Variants in ARL15 observed in about 807,000 individuals in gnomAD.
ARL15 encodes the protein ARF like GTPase 15.
Under a neutral mutation model 25.2 loss-of-function variants are expected in ARL15, and 19 were observed. That is an observed-to-expected ratio of 0.75 (90% confidence interval 0.53 to 1.10). ARL15 has a LOEUF of 1.10. Ranked by LOEUF, ARL15 falls within the 50% of genes least tolerant of loss-of-function variation. The pLI is 0.00. For missense variants in ARL15, 220 were observed against 246.0 expected (o/e 0.89, Z 0.71); for synonymous variants, 94 against 86.8 (o/e 1.08, Z -0.46).
intron 4 of ARL15, among the ~76,000 whole-genome samples, chr5:53,968,908 C>T (rs935483340): frequency 6.6e-6 from 1 of 151,778 alleles, no homozygotes; most frequent in Non-Finnish European, 1.5e-5. Context: ...GTAATCCTCG[C>T]ACTCTGAGGT....
At chr5:53,898,905 T>C (rs1347004393) in intron 4 of ARL15, among the ~76,000 whole-genome samples, 1 of 152,116 alleles carries the variant, frequency 6.6e-6, no homozygotes, top group Non-Finnish European at 1.5e-5. Flanking sequence ...CCTCCTCTCT[T>C]GGCCTACCAA....
chr5:53,959,823 A>G (rs1747302725), intron 4 of ARL15, among the ~76,000 whole-genome samples: 1 of 151,926 alleles, frequency 6.6e-6, no homozygotes, highest in South Asian at 2.1e-4. Flanking sequence ...TTCTTCTTGC[A>G]TTGTAACTCC....
intron 4 of ARL15, among the ~76,000 whole-genome samples, chr5:53,916,733 C>A (rs1348955036): frequency 6.6e-6 from 1 of 152,088 alleles, no homozygotes; most frequent in African/African-American, 2.4e-5. Context: ...ATGATTGATA[C>A]AGCCTCCAAC....
chr5:54,026,087 T>C (rs996538512), intron 4 of ARL15, among the ~76,000 whole-genome samples: 3 of 152,224 alleles, frequency 2.0e-5, no homozygotes, highest in Non-Finnish European at 4.4e-5. Context: ...CATTTCCTTA[T>C]AGTTTTTCAT....
chr5:53,915,808 A>T (rs1981842), intron 4 of ARL15, among the ~76,000 whole-genome samples: 142,815 of 152,332 alleles, frequency 0.94, 67,509 homozygotes, highest in Non-Finnish European at 1. Flanking sequence ...TATTTTAAAT[A>T]TCATTGCAGC....
chr5:54,175,289 T>C (rs1414263249), intron 1 of ARL15, among the ~76,000 whole-genome samples: 6 of 152,146 alleles, frequency 3.9e-5, no homozygotes, highest in Admixed American at 3.9e-4. Flanking sequence ...GATTTTGCAA[T>C]GATAGCAGTG....
chr5:53,959,683 A>ACTCTTC, intron 4 of ARL15, among the ~76,000 whole-genome samples: 1 of 152,112 alleles, frequency 6.6e-6, no homozygotes, highest in Middle Eastern at 3.4e-3. Flanking sequence ...TACTTTCTGC[A>ACTCTTC]CTGATTTGCA....
At chr5:54,140,597 A>C (rs1387545524) in intron 3 of ARL15, among the ~76,000 whole-genome samples, 1 of 152,188 alleles carries the variant, frequency 6.6e-6, no homozygotes, top group African/African-American at 2.4e-5. Flanking sequence ...GTGGGAAAAC[A>C]TATTTATGTT....
chr5:54,276,576 C>G (rs564238586), intron 1 of ARL15, among the ~76,000 whole-genome samples: 2 of 152,244 alleles, frequency 1.3e-5, no homozygotes, highest in Non-Finnish European at 2.9e-5. Flanking sequence ...ATAATGTCTC[C>G]CATAGAGTCA....
chr5:54,059,351 T>A (rs528815868), intron 4 of ARL15, among the ~76,000 whole-genome samples: 91 of 152,352 alleles, frequency 6.0e-4, no homozygotes, highest in African/African-American at 1.9e-3. Context: ...ACCTTGAGAA[T>A]ACAAAGTGAT....
At chr5:54,174,714 A>T (rs1754814948) in intron 1 of ARL15, among the ~76,000 whole-genome samples, 1 of 152,226 alleles carries the variant, frequency 6.6e-6, no homozygotes, top group Non-Finnish European at 1.5e-5. Flanking sequence ...GCTGGCTGAT[A>T]CTGTCTGACT....
chr5:53,919,222 G>T (rs1355032226), intron 4 of ARL15, among the ~76,000 whole-genome samples: 1 of 152,214 alleles, frequency 6.6e-6, no homozygotes, highest in African/African-American at 2.4e-5. Context: ...AGTCTACGAG[G>T]TGTGTGCCAA....
At chr5:54,095,053 C>A (rs1752243732) in intron 4 of ARL15, among the ~76,000 whole-genome samples, 1 of 152,128 alleles carries the variant, frequency 6.6e-6, no homozygotes, top group Admixed American at 6.5e-5. Flanking sequence ...TTTTCTAATG[C>A]CTCTGTCCTT....
intron 4 of ARL15, among the ~76,000 whole-genome samples, chr5:54,037,538 C>T (rs1055344554): frequency 6.6e-6 from 1 of 152,092 alleles, no homozygotes; most frequent in African/African-American, 2.4e-5. Context: ...AAAAAGTTTA[C>T]GTGATGTCTA....
chr5:54,158,974 G>A (rs1410325600), intron 2 of ARL15, among the ~76,000 whole-genome samples: 1 of 152,040 alleles, frequency 6.6e-6, no homozygotes, highest in Non-Finnish European at 1.5e-5. Context: ...ACAAACTGAG[G>A]GATTCACAGC....
intron 3 of ARL15, among the ~76,000 whole-genome samples, chr5:54,120,836 G>T (rs1055461305): frequency 1.3e-5 from 2 of 152,194 alleles, no homozygotes; most frequent in African/African-American, 4.8e-5. Flanking sequence ...CTGGCTGACA[G>T]AAAGATATTT....
chr5:54,075,947 C>T (rs1751584582), intron 4 of ARL15, among the ~76,000 whole-genome samples: 1 of 152,138 alleles, frequency 6.6e-6, no homozygotes, highest in Non-Finnish European at 1.5e-5. Context: ...ACTGACTCTG[C>T]AGTTTGTCTT....
At chr5:53,962,488 C>A (rs1747403159) in intron 4 of ARL15, among the ~76,000 whole-genome samples, 1 of 152,024 alleles carries the variant, frequency 6.6e-6, no homozygotes, top group South Asian at 2.1e-4. Context: ...ATAATTGGAA[C>A]CATACAAGAG....
chr5:54,000,097 A>C (rs1354545657), intron 4 of ARL15, among the ~76,000 whole-genome samples: 1 of 152,108 alleles, frequency 6.6e-6, no homozygotes, highest in Non-Finnish European at 1.5e-5. Context: ...AAAAAAGAAA[A>C]GCTACACTGC....
Sources: gnomAD v4.1 joint callset for allele counts (sites outside exome capture counted in the v4.1 genomes callset) on GRCh38, gnomAD v4.1.1 for gene constraint, MANE v1.5 for transcripts, NCBI Gene and HGNC (gene_info 2026-07-23, HGNC 2026-07-21) for gene names.